Variants in FAM107B observed in about 807,000 individuals in gnomAD.
FAM107B encodes the protein family with sequence similarity 107 member B.
FAM107B carries 21 observed loss-of-function variants against 31.5 expected under a neutral mutation model. That is an observed-to-expected ratio of 0.67 (90% CI 0.47 to 0.96). The LOEUF (loss-of-function observed/expected upper bound fraction) is 0.96. FAM107B is among the 40% of genes least tolerant of loss of function. The pLI is 0.00. For synonymous variants in FAM107B, 157 were observed against 141.5 expected, an observed-to-expected ratio of 1.11 and a Z score of -0.78; for missense variants, 452 against 377.1, an observed-to-expected ratio of 1.20 and a Z score of -1.64.
At chr10:14,581,315 G>A (rs1368225241) in intron 2 of FAM107B, among the ~76,000 whole-genome samples, 4 of 152,308 alleles carry the variant, frequency 2.6e-5, no homozygotes, top group South Asian at 2.1e-4. Context: ...CACCTGAATC[G>A]CTGCTTAGGG....
chr10:14,639,908 G>A (rs1017043476), intron 2 of FAM107B, among the ~76,000 whole-genome samples: 10 of 152,080 alleles, frequency 6.6e-5, no homozygotes, highest in African/African-American at 2.4e-4. Context: ...TCTAACAAAG[G>A]CTTATCTTAA....
intron 1 of FAM107B, among the ~76,000 whole-genome samples, chr10:14,737,303 G>GA (rs1564280810): frequency 6.6e-6 from 1 of 151,674 alleles, no homozygotes; most frequent in Non-Finnish European, 1.5e-5. Flanking sequence ...GAGAAGAAGG[G>GA]AAAAAAGCAT....
chr10:14,703,595 A>G (rs1410374440), intron 1 of FAM107B, among the ~76,000 whole-genome samples: 1 of 152,134 alleles, frequency 6.6e-6, no homozygotes, highest in Non-Finnish European at 1.5e-5. Context: ...TCGGCCTCCC[A>G]AAGTGCTAGG....
intron 2 of FAM107B, among the ~76,000 whole-genome samples, chr10:14,634,834 T>C (rs1853455938): frequency 6.6e-6 from 1 of 152,070 alleles, no homozygotes; most frequent in African/African-American, 2.4e-5. Context: ...CTCACGCCTA[T>C]AATCCAGCAC....
At position 14,530,452 on chromosome 10, in the gene FAM107B, T is replaced by A. The variant is rs749119192; in HGVS notation, c.533A>T (p.Glu178Val). The A allele has an allele frequency of 6.2e-7, 1 of 1,614,154 alleles. No individual in the cohort carries two copies. ...ATTGTCATCTTCTATGTAGTCTGGC[T>A]CGGCCATGATGCTTCTTGTAATGAG... Reference protein sequence around the residue: ...SYLITRSIMAEPDYIEDDNPE... With the variant: ...SYLITRSIMAVPDYIEDDNPE... Residue 178 changes from glutamate to valine, a missense_variant, in exon 3 of 5, where the codon GAG becomes GTG. Physicochemically the swap from Glu to Val is moderately radical, Grantham distance 121 (BLOSUM62 -2). Transcript: ENST00000181796.
rs574302048 is a variant in FAM107B at position 14,690,747 on chromosome 10, C to T, written c.412-23056G>A. Among the ~76,000 whole-genome samples, 87 of 152,010 alleles carry T rather than the reference C, an allele frequency of 5.7e-4. 1 individual carries two copies. The highest frequency in any genetic ancestry group is 1.0e-3 in the Non-Finnish European group (68 of 67,950). ...GATTACAGGCGTGAGCCACCACGCC[C>T]GGCCAACTAGCCCCTTTATTAAGCT... On this transcript the variant is annotated intron_variant, in intron 1 of 4. Coordinates refer to ENST00000181796, the MANE Select transcript of FAM107B (RefSeq NM_031453.4).
chr10:14,542,777 T>C (rs530799843), intron 2 of FAM107B: 3 of 152,230 alleles, frequency 2.0e-5, no homozygotes, highest in Non-Finnish European at 4.4e-5. Flanking sequence ...GCTTTTAAGA[T>C]GGCTCAAAAA....
intron 2 of FAM107B, chr10:14,602,632 A>G (rs977715095): frequency 6.6e-6 from 1 of 152,208 alleles, no homozygotes; most frequent in Non-Finnish European, 1.5e-5. Flanking sequence ...TTTCCATCAC[A>G]TATTTCTTAT....
At chr10:14,654,181 G>C (rs1378284038) in intron 2 of FAM107B, among the ~76,000 whole-genome samples, 29 of 151,208 alleles carry the variant, frequency 1.9e-4, no homozygotes. Flanking sequence ...AGAGAAATTG[G>C]AACCTAGATT....
intron 2 of FAM107B, among the ~76,000 whole-genome samples, chr10:14,581,943 C>A (rs73601324): frequency 0.011 from 1,642 of 152,182 alleles, 30 homozygotes; most frequent in African/African-American, 0.038. Context: ...AATCAATGCC[C>A]ATTTATCATA....
At chr10:14,638,618 C>A (rs61842737) in intron 2 of FAM107B, among the ~76,000 whole-genome samples, 1 of 151,924 alleles carries the variant, frequency 6.6e-6, no homozygotes, top group East Asian at 1.9e-4. Flanking sequence ...CTATTTTTGC[C>A]TGCCTTTCAG....
intron 2 of FAM107B, among the ~76,000 whole-genome samples, chr10:14,570,974 T>C (rs2131263288): frequency 6.6e-6 from 1 of 152,230 alleles, no homozygotes; most frequent in East Asian, 1.9e-4. Context: ...TAGCTCAGGC[T>C]GCTATAACAA....
intron 1 of FAM107B, among the ~76,000 whole-genome samples, chr10:14,716,212 A>G (rs1484260058): frequency 6.6e-6 from 1 of 152,074 alleles, no homozygotes; most frequent in East Asian, 1.9e-4. Flanking sequence ...ACAACCATAA[A>G]CCTTCATTAG....
chr10:14,731,193 AG>A (rs1169905021), intron 1 of FAM107B, among the ~76,000 whole-genome samples: 2 of 152,198 alleles, frequency 1.3e-5, no homozygotes, highest in African/African-American at 4.8e-5. Context: ...AAAAGGTGTC[AG>A]GTACTAAAAA....
chr10:14,757,990 T>G (rs1440256713), intron 1 of FAM107B, among the ~76,000 whole-genome samples: 1 of 152,192 alleles, frequency 6.6e-6, no homozygotes, highest in Admixed American at 6.5e-5. Context: ...AGTATATAAT[T>G]ATGCTTTGGA....
At chr10:14,689,153 AC>A (rs1306788129) in intron 1 of FAM107B, among the ~76,000 whole-genome samples, 12 of 152,144 alleles carry the variant, frequency 7.9e-5, no homozygotes, top group African/African-American at 2.7e-4. Context: ...GTAATGGTGG[AC>A]AGACTGCTTG....
chr10:14,644,823 C>G (rs1042186713), intron 2 of FAM107B, among the ~76,000 whole-genome samples: 3 of 152,214 alleles, frequency 2.0e-5, no homozygotes, highest in African/African-American at 7.2e-5. Context: ...CAGGAGAGGT[C>G]TTTCTTAGAT....
intron 1 of FAM107B, among the ~76,000 whole-genome samples, chr10:14,671,561 C>A (rs1391403173): frequency 1.3e-5 from 2 of 152,152 alleles, no homozygotes; most frequent in Admixed American, 6.5e-5. Context: ...TCCCATCTCG[C>A]TGTCTGAATG....
intron 2 of FAM107B, among the ~76,000 whole-genome samples, chr10:14,577,053 A>G (rs532757954): frequency 1.3e-5 from 2 of 152,366 alleles, no homozygotes; most frequent in Non-Finnish European, 2.9e-5. Flanking sequence ...AAGTTTCTCT[A>G]TTCAAATGCT....
Sources: allele counts gnomAD v4.1 joint callset (sites outside exome capture counted in the v4.1 genomes callset), GRCh38; gene constraint gnomAD v4.1.1; transcripts MANE v1.5; gene names NCBI Gene and HGNC (gene_info 2026-07-23, HGNC 2026-07-21).